Variants in OPCML observed in about 807,000 individuals in gnomAD.
OPCML encodes opioid binding protein/cell adhesion molecule like, also known as opioid-binding protein/cell adhesion molecule.
A neutral mutation model predicts 37.8 loss-of-function variants in OPCML; 13 were observed. The ratio of observed to expected loss-of-function variants is 0.34; its 90% CI spans 0.22 to 0.55. The LOEUF is 0.55. Among genes scored for constraint, OPCML ranks in the 20% least tolerant of loss-of-function variants. The pLI is 0.91. For missense variants in OPCML, 341 were observed against 435.6 expected (o/e 0.78, Z 1.93); for synonymous variants, 176 against 168.8 (o/e 1.04, Z -0.33).
At chr11:133,309,291 T>C (rs1234569525) in intron 1 of OPCML, among the ~76,000 whole-genome samples, 1 of 152,208 alleles carries the variant, frequency 6.6e-6, no homozygotes, top group Non-Finnish European at 1.5e-5. Flanking sequence ...TACCAGCTGC[T>C]GTCATGAACT....
intron 1 of OPCML, among the ~76,000 whole-genome samples, chr11:133,374,741 T>C (rs1294549016): frequency 3.9e-5 from 6 of 152,214 alleles, no homozygotes; most frequent in Non-Finnish European, 5.9e-5. Context: ...CATTACCTAC[T>C]GCATTTTTAT....
At chr11:132,966,549 T>C (rs577495986) in intron 1 of OPCML, among the ~76,000 whole-genome samples, 22 of 151,814 alleles carry the variant, frequency 1.4e-4, no homozygotes, top group African/African-American at 4.9e-4. Flanking sequence ...GAGTGCTTCA[T>C]AGATGTCTTT....
chr11:133,220,201 A>G (rs2060970), intron 1 of OPCML, among the ~76,000 whole-genome samples: 26,508 of 152,118 alleles, frequency 0.17, 3,123 homozygotes, highest in African/African-American at 0.33. Context: ...GCAGGTGTGC[A>G]CCAGACACCA....
intron 1 of OPCML, among the ~76,000 whole-genome samples, chr11:133,348,079 C>T (rs963254209): frequency 1.3e-5 from 2 of 152,166 alleles, no homozygotes; most frequent in African/African-American, 4.8e-5. Flanking sequence ...GCTGTTCTTT[C>T]TCTGGGAGAG....
chr11:132,935,173 T>A (rs2136645746), intron 2 of OPCML, among the ~76,000 whole-genome samples: 1 of 150,994 alleles, frequency 6.6e-6, no homozygotes, highest in South Asian at 2.1e-4. Context: ...TATTTTAAAA[T>A]TAAATTTGGC....
chr11:133,190,342 T>C (rs530769026), intron 1 of OPCML, among the ~76,000 whole-genome samples: 2 of 152,214 alleles, frequency 1.3e-5, no homozygotes, highest in Non-Finnish European at 2.9e-5. Flanking sequence ...GAGAAGGGAA[T>C]TGATGCCTAT....
intron 2 of OPCML, among the ~76,000 whole-genome samples, chr11:132,828,479 G>A (rs930653737): frequency 6.6e-6 from 1 of 152,074 alleles, no homozygotes; most frequent in African/African-American, 2.4e-5. Flanking sequence ...GGAAGAGGCT[G>A]GGTGTGAGGA....
At position 133,460,397 on chromosome 11, in the gene OPCML, T is replaced by C. The variant is rs552308859; in HGVS notation, c.61+71867A>G. Among the ~76,000 whole-genome samples, 19 of 151,740 alleles carry C rather than the reference T, an allele frequency of 1.3e-4. No homozygotes were observed. The East Asian group carries it at 1.7e-3, about 14-fold the overall frequency. The stretch of plus-strand genomic sequence containing the variant: ...CAAATACAAATTTTTAAAAAGACAA[T>C]AGAGAAAATCAGTAAAATAAAGAGT... On this transcript the variant is annotated intron_variant, in intron 1 of 7. Coordinates refer to ENST00000524381, the MANE Select transcript of OPCML (RefSeq NM_001012393.5).
chr11:132,984,815 G>T (rs1204445477), intron 1 of OPCML, among the ~76,000 whole-genome samples: 3 of 152,182 alleles, frequency 2.0e-5, no homozygotes, highest in East Asian at 1.9e-4. Context: ...GACCTGCACT[G>T]TCTCGCATTT....
chr11:133,048,351 G>A (rs1269964865), intron 1 of OPCML, among the ~76,000 whole-genome samples: 1 of 151,968 alleles, frequency 6.6e-6, no homozygotes, highest in Non-Finnish European at 1.5e-5. Flanking sequence ...ACGGACTAGA[G>A]AGCAGTTCTG....
In OPCML at chr11:132,492,039, G is replaced by GAGA. The variant is rs535461254; in HGVS notation, c.505+37019_505+37021dup. ...AGAGCATGAGCCATTTGCACAGGGAGAGAAGGTCACAACCAGAGAAGGAGC... is the reference window on the plus strand; with the variant it reads ...AGAGCATGAGCCATTTGCACAGGGAGAGAAGAAGGTCACAACCAGAGAAGGAGC... On this transcript the variant is annotated intron_variant, in intron 4 of 7. Coordinates refer to ENST00000524381, the MANE Select transcript of OPCML (RefSeq NM_001012393.5). Among the ~76,000 whole-genome samples, 326 of 151,604 alleles carry GAGA rather than the reference G, an allele frequency of 2.2e-3. 1 individual carries two copies. Among genetic ancestry groups the GAGA allele is most frequent in the African/African-American group, 7.4e-3 (304 of 41,272 alleles).
At chr11:133,101,011 G>A (rs1463788512) in intron 1 of OPCML, among the ~76,000 whole-genome samples, 2 of 152,070 alleles carry the variant, frequency 1.3e-5, no homozygotes, top group Non-Finnish European at 2.9e-5. Context: ...TGCAACCTCC[G>A]CCTCCTGGGT....
At chr11:133,513,171 T>TTA (rs556683566) in intron 1 of OPCML, among the ~76,000 whole-genome samples, 1 of 150,076 alleles carries the variant, frequency 6.7e-6, no homozygotes, top group African/African-American at 2.4e-5. Flanking sequence ...CCCAAACATT[T>TTA]AAAAAAAAAA....
chr11:133,314,549 C>T (rs1223989016), intron 1 of OPCML, among the ~76,000 whole-genome samples: 1 of 114,674 alleles, frequency 8.7e-6, no homozygotes, highest in African/African-American at 3.7e-5. Flanking sequence ...TGCTGCCTTC[C>T]ATAATAAGAA....
chr11:133,043,446 C>T (rs1354226818), intron 1 of OPCML, among the ~76,000 whole-genome samples: 1 of 152,176 alleles, frequency 6.6e-6, no homozygotes, highest in Non-Finnish European at 1.5e-5. Flanking sequence ...AATTAACCAG[C>T]CTTCCCTTTC....
chr11:132,546,109 A>T (rs1404768824), intron 3 of OPCML, among the ~76,000 whole-genome samples: 1 of 152,152 alleles, frequency 6.6e-6, no homozygotes, highest in African/African-American at 2.4e-5. Context: ...AATAAGTGAG[A>T]AATGGTATTT....
chr11:132,807,116 G>T (rs1311176687), intron 2 of OPCML, among the ~76,000 whole-genome samples: 1 of 152,110 alleles, frequency 6.6e-6, no homozygotes, highest in Non-Finnish European at 1.5e-5. Flanking sequence ...ACTGTAAGTA[G>T]ATAAAGAAGA....
chr11:132,638,296 C>T (rs1455705763), intron 3 of OPCML, among the ~76,000 whole-genome samples: 1 of 151,396 alleles, frequency 6.6e-6, no homozygotes, highest in South Asian at 2.1e-4. Context: ...GGTGTTCAGA[C>T]CCCTGTATTT....
intron 1 of OPCML, among the ~76,000 whole-genome samples, chr11:133,475,209 TG>T (rs141075646): frequency 0.025 from 3,316 of 135,126 alleles, 86 homozygotes; most frequent in South Asian, 0.078. Flanking sequence ...TTTGTTTTTG[TG>T]GTTTTTTTTT....
Sources: gnomAD v4.1 joint callset for allele counts (sites outside exome capture counted in the v4.1 genomes callset) on GRCh38, gnomAD v4.1.1 for gene constraint, MANE v1.5 for transcripts, NCBI Gene and HGNC (gene_info 2026-07-23, HGNC 2026-07-21) for gene names.